TMEM232: variants seen among roughly 807,000 people sequenced by gnomAD.
TMEM232 encodes transmembrane protein 232.
A neutral mutation model predicts 78.8 loss-of-function variants in TMEM232; 80 were observed. The ratio of observed to expected loss-of-function variants is 1.01; its 90% CI spans 0.85 to 1.22. TMEM232 has a LOEUF of 1.22. Ranked by LOEUF, TMEM232 falls within the 50% of genes most tolerant of loss-of-function variation. The probability of loss-of-function intolerance (pLI) is 0.00; values close to 1 mark genes in which losing one functional copy is unlikely to be tolerated. For missense variants in TMEM232, 881 were observed against 742.2 expected (o/e 1.19, Z -2.17); for synonymous variants, 297 against 254.3 (o/e 1.17, Z -1.60).
chr5:110,688,148 T>C (rs1017351452), intron 1 of TMEM232, among the ~76,000 whole-genome samples: 2 of 151,862 alleles, frequency 1.3e-5, no homozygotes, highest in African/African-American at 2.4e-5. Context: ...CTTTGACAAT[T>C]AAGTTATTAA....
At chr5:110,688,544 C>A (rs1320495092) in intron 1 of TMEM232, among the ~76,000 whole-genome samples, 1 of 152,100 alleles carries the variant, frequency 6.6e-6, no homozygotes, top group Non-Finnish European at 1.5e-5. Flanking sequence ...GAGACAGGAC[C>A]CCACAGCTTA....
rs147447984 is a variant in TMEM232 at position 110,391,581 on chromosome 5, T to C, written n.391-941A>G. On this transcript the variant is annotated intron_variant and non_coding_transcript_variant, in intron 3 of 8. Coordinates refer to the TMEM232 transcript ENST00000507188. ...TATAGCATGCTGAAGTAAGATTGGA[T>C]CATAGGTTAAGTAATAAGAATGAAG... Among the ~76,000 whole-genome samples the C allele has an allele frequency of 3.9e-3, 595 of 152,166 alleles. 4 individuals are homozygous for C. Among genetic ancestry groups the C allele is most frequent in the African/African-American group, 0.013 (544 of 41,526 alleles).
intron 10 of TMEM232, among the ~76,000 whole-genome samples, chr5:110,573,548 A>G (rs1777201024): frequency 6.6e-6 from 1 of 152,110 alleles, no homozygotes; most frequent in Admixed American, 6.6e-5. Flanking sequence ...AGAAAAAGAC[A>G]AACTGCTTCT....
At chr5:110,420,876 C>A in intron 13 of TMEM232, 120 bp from the exon 14 acceptor site, 1 of 1,351,794 alleles carries the variant, frequency 7.4e-7, no homozygotes, top group Non-Finnish European at 9.6e-7. Context: ...CCATGACATT[C>A]CTCAAAAATT....
chr5:110,600,514 A>C (rs1780753220), intron 10 of TMEM232, among the ~76,000 whole-genome samples: 1 of 152,224 alleles, frequency 6.6e-6, no homozygotes, highest in Admixed American at 6.5e-5. Flanking sequence ...ACAAACTACC[A>C]TCAGAGAATA....
chr5:110,395,010 A>G (rs756033672), intron 3 of TMEM232, among the ~76,000 whole-genome samples: 2 of 152,074 alleles, frequency 1.3e-5, no homozygotes, highest in African/African-American at 4.8e-5. Flanking sequence ...TTCACCTGGC[A>G]TTGTTTTTCT....
chr5:110,719,478 GT>G (rs1206510048), intron 1 of TMEM232, among the ~76,000 whole-genome samples: 1 of 151,932 alleles, frequency 6.6e-6, no homozygotes, highest in East Asian at 1.9e-4. Flanking sequence ...TTTCCAGGCA[GT>G]TTTTGCAGCT....
At chr5:110,519,880 A>G (rs1769241887) in intron 12 of TMEM232, among the ~76,000 whole-genome samples, 1 of 150,714 alleles carries the variant, frequency 6.6e-6, no homozygotes, top group Non-Finnish European at 1.5e-5. Context: ...AGAAAGACAA[A>G]TACTACATGT....
chr5:110,593,571 G>A (rs1181393684), intron 10 of TMEM232, among the ~76,000 whole-genome samples: 1 of 152,122 alleles, frequency 6.6e-6, no homozygotes, highest in Non-Finnish European at 1.5e-5. Flanking sequence ...GCCAGGCACA[G>A]TAGGACAACC....
intron 12 of TMEM232, among the ~76,000 whole-genome samples, chr5:110,464,484 T>C (rs1468092482): frequency 6.6e-6 from 1 of 152,160 alleles, no homozygotes; most frequent in Non-Finnish European, 1.5e-5. Flanking sequence ...ATGCCACTAA[T>C]TGGTAGCTGG....
chr5:110,724,928 T>G (rs376314363), intron 1 of TMEM232, among the ~76,000 whole-genome samples: 1 of 152,280 alleles, frequency 6.6e-6, no homozygotes. Context: ...ATTTAGCAAG[T>G]GATTTATTAT....
At chr5:110,551,838 A>G (rs1358631090) in intron 11 of TMEM232, among the ~76,000 whole-genome samples, 1 of 152,170 alleles carries the variant, frequency 6.6e-6, no homozygotes, top group East Asian at 1.9e-4. Flanking sequence ...CAAATAAATG[A>G]CTTTACATTT....
At chr5:110,602,168 T>C (rs1168748249) in intron 10 of TMEM232, among the ~76,000 whole-genome samples, 2 of 152,102 alleles carry the variant, frequency 1.3e-5, no homozygotes, top group East Asian at 3.9e-4. Context: ...AAGACTTAAA[T>C]GGAAGATCTA....
At chr5:110,405,231 C>T (rs899380376) in intron 2 of TMEM232, among the ~76,000 whole-genome samples, 1 of 152,034 alleles carries the variant, frequency 6.6e-6, no homozygotes, top group African/African-American at 2.4e-5. Context: ...TGATGTAGCA[C>T]AGGCTCAATT....
chr5:110,406,806 T>C (rs1332338755), intron 2 of TMEM232, among the ~76,000 whole-genome samples: 1 of 152,098 alleles, frequency 6.6e-6, no homozygotes, highest in Non-Finnish European at 1.5e-5. Context: ...ATTTTAAGAA[T>C]GTAAATTGAG....
intron 7 of TMEM232, among the ~76,000 whole-genome samples, chr5:110,621,195 C>CA (rs199936644): frequency 1.8e-4 from 26 of 147,312 alleles, no homozygotes; most frequent in African/African-American, 4.2e-4. Context: ...AACATTTTTT[C>CA]AAAAAATAAA....
At chr5:110,424,675 T>G in intron 13 of TMEM232, 148 bp downstream of exon 13, 6 of 647,718 alleles carry the variant, frequency 9.3e-6, no homozygotes, top group Non-Finnish European at 1.1e-5. Context: ...GATAACATAG[T>G]GAGATATAAT....
intron 12 of TMEM232, among the ~76,000 whole-genome samples, chr5:110,461,414 C>G (rs1215598385): frequency 6.6e-6 from 1 of 152,124 alleles, no homozygotes; most frequent in East Asian, 1.9e-4. Context: ...AAGTTGCAAT[C>G]CAGCAGCGGT....
chr5:110,585,009 G>A (rs926084496), intron 10 of TMEM232, among the ~76,000 whole-genome samples: 1 of 152,084 alleles, frequency 6.6e-6, no homozygotes, highest in Admixed American at 6.6e-5. Flanking sequence ...TTCCCTCTGT[G>A]TTCAGCTACA....
Sources: gnomAD v4.1 joint callset for allele counts (sites outside exome capture counted in the v4.1 genomes callset) on GRCh38, gnomAD v4.1.1 for gene constraint, MANE v1.5 for transcripts, NCBI Gene and HGNC (gene_info 2026-07-23, HGNC 2026-07-21) for gene names.